PRIM2: variants seen among roughly 807,000 people sequenced by gnomAD.
PRIM2 encodes DNA primase subunit 2.
In PRIM2, 39 loss-of-function variants were observed where a neutral mutation model predicts 67.3. The observed-to-expected ratio is 0.58, with a 90% confidence interval of 0.45 to 0.76. The LOEUF (loss-of-function observed/expected upper bound fraction) is 0.76. PRIM2 is among the 30% of genes least tolerant of loss of function. PRIM2 has a pLI of 0.00. For synonymous variants in PRIM2, 143 were observed against 198.7 expected, an observed-to-expected ratio of 0.72 and a Z score of 2.36; for missense variants, 398 against 598.7, an observed-to-expected ratio of 0.66 and a Z score of 3.50.
At position 57,537,563 on chromosome 6, in the gene PRIM2, T is replaced by A; in HGVS notation, c.958T>A (p.Leu320Met). The change falls in exon 10 of 14, where the codon TTG (leucine) becomes ATG (methionine). Residue 320 changes from leucine (L) to methionine (M), a missense_variant. Coordinates refer to ENST00000615550, the MANE Select transcript of PRIM2 (RefSeq NM_000947.5). The stretch of plus-strand genomic sequence containing the variant: ...ATTTCTGAAGGGCATTGGTTTAACT[T>A]TGGAACAGGCATTGCAGTTCTGGAA... ...GLFLKGIGLT[L>M]EQALQFWKQE... The A allele has an allele frequency of 6.3e-7, 1 of 1,584,982 alleles. No homozygotes were observed. The highest frequency in any genetic ancestry group is 2.3e-5 in the East Asian group (1 of 44,380).
intron 12 of PRIM2, among the ~76,000 whole-genome samples, chr6:57,620,429 A>G (rs1776831223): frequency 6.6e-6 from 1 of 152,158 alleles, no homozygotes; most frequent in Non-Finnish European, 1.5e-5. Flanking sequence ...AAACAAAACA[A>G]ACATCAGCCA....
intron 5 of PRIM2, among the ~76,000 whole-genome samples, chr6:57,360,900 G>A (rs1031817005): frequency 6.6e-6 from 1 of 152,112 alleles, no homozygotes; most frequent in Non-Finnish European, 1.5e-5. Context: ...TCTTTACAGA[G>A]AACAATAAGA....
intron 1 of PRIM2, 147 bp from the exon 2 acceptor site, chr6:57,318,290 C>G: frequency 1.4e-6 from 1 of 698,422 alleles, no homozygotes; most frequent in East Asian, 2.7e-5. Flanking sequence ...AGGACATCAC[C>G]CAGGAATTGC....
intron 7 of PRIM2, among the ~76,000 whole-genome samples, chr6:57,403,252 T>G (rs1197919425): frequency 1.1e-5 from 1 of 89,462 alleles, no homozygotes; most frequent in Non-Finnish European, 2.2e-5. Flanking sequence ...GTGAAGAATT[T>G]TTTTTTTTTT....
At chr6:57,534,160 A>C (rs1263856308) in intron 9 of PRIM2, among the ~76,000 whole-genome samples, 3 of 152,138 alleles carry the variant, frequency 2.0e-5, no homozygotes, top group Non-Finnish European at 2.9e-5. Context: ...AGTAGAGACA[A>C]CTTTCCCCCC....
At chr6:57,450,335 C>G (rs9396300) in intron 7 of PRIM2, among the ~76,000 whole-genome samples, 1,546 of 152,284 alleles carry the variant, frequency 0.01, 28 homozygotes, top group African/African-American at 0.034. Context: ...TTGATATCCA[C>G]TGGCCAAATT....
chr6:57,521,640 G>A (rs1581967798), intron 8 of PRIM2, among the ~76,000 whole-genome samples: 2 of 152,002 alleles, frequency 1.3e-5, no homozygotes, highest in Non-Finnish European at 2.9e-5. Flanking sequence ...TTGATGCAGA[G>A]ATCAGTTTTG....
chr6:57,253,052 G>A, the PRIM2 span, among the ~76,000 whole-genome samples: 1 of 152,210 alleles, frequency 6.6e-6, no homozygotes, highest in African/African-American at 2.4e-5. Flanking sequence ...TGACTCAAGA[G>A]TGCAGAGAGC....
chr6:57,245,469 G>A, the PRIM2 span, among the ~76,000 whole-genome samples: 271 of 152,244 alleles, frequency 1.8e-3, 1 homozygote, highest in Non-Finnish European at 3.5e-3. Flanking sequence ...CTTTGTGTGA[G>A]GTTTGGTAAC....
intron 7 of PRIM2, among the ~76,000 whole-genome samples, chr6:57,440,741 C>T (rs926592422): frequency 1.4e-4 from 22 of 152,204 alleles, no homozygotes; most frequent in African/African-American, 5.1e-4. Flanking sequence ...CAAGGTTTTA[C>T]AGTAACTGTC....
chr6:57,238,996 T>A, the PRIM2 span, among the ~76,000 whole-genome samples: 3 of 152,072 alleles, frequency 2.0e-5, no homozygotes, highest in Non-Finnish European at 4.4e-5. Context: ...TTTTTTTATT[T>A]TTTTTTTATT....
intron 5 of PRIM2, among the ~76,000 whole-genome samples, chr6:57,338,949 G>C (rs1404532946): frequency 6.6e-6 from 1 of 152,196 alleles, no homozygotes; most frequent in Non-Finnish European, 1.5e-5. Flanking sequence ...TGTATATCTA[G>C]AAAACAACAT....
At chr6:57,454,081 G>C (rs1259743719) in intron 7 of PRIM2, among the ~76,000 whole-genome samples, 1 of 152,126 alleles carries the variant, frequency 6.6e-6, no homozygotes, top group African/African-American at 2.4e-5. Context: ...TTATATGTTG[G>C]ATTACGTTTA....
rs1241108203 is a variant in PRIM2 at position 57,573,483 on chromosome 6, C to T, written c.1021-27610C>T. 9.5e-4 allele frequency among the ~76,000 whole-genome samples: 144 copies of T among 151,980 alleles called. 1 individual carries two copies. Among genetic ancestry groups the T allele is most frequent in the Non-Finnish European group, 1.8e-3 (125 of 67,984 alleles). On this transcript the variant is annotated intron_variant, in intron 10 of 13. Transcript: ENST00000615550. ...ATATATTAAAGTTCTTCAGGAACAGCATTTCTTTATAAAACAGAATAGAAA... is the reference window on the plus strand; with the variant it reads ...ATATATTAAAGTTCTTCAGGAACAGTATTTCTTTATAAAACAGAATAGAAA...
chr6:57,477,733 G>A (rs1221785313), intron 7 of PRIM2, among the ~76,000 whole-genome samples: 3 of 152,192 alleles, frequency 2.0e-5, no homozygotes, highest in African/African-American at 7.2e-5. Context: ...GGAGGTTATA[G>A]TAGTGAGAGT....
At position 57,327,892 on chromosome 6, in the gene PRIM2, G is replaced by A. The variant is rs10949018; in HGVS notation, c.459+1847G>A. Among the ~76,000 whole-genome samples, 899 of 152,242 alleles carry A rather than the reference G, an allele frequency of 5.9e-3. 6 individuals are homozygous for A. Among genetic ancestry groups the A allele is most frequent in the Admixed American group, 9.9e-3 (151 of 15,292 alleles). The stretch of plus-strand genomic sequence containing the variant: ...AGGTCGGGGGATGGGGAGGGGTGTG[G>A]ATGGTTTTGGGATGAACAGATCCAC... On this transcript the variant is annotated intron_variant, in intron 5 of 13. Transcript: ENST00000615550.
chr6:57,244,516 T>C, the PRIM2 span, among the ~76,000 whole-genome samples: 1 of 152,168 alleles, frequency 6.6e-6, no homozygotes, highest in African/African-American at 2.4e-5. Flanking sequence ...ATCCTAGCAC[T>C]TTGGGAGGCC....
At chr6:57,531,839 G>C (rs1300129102) in intron 8 of PRIM2, among the ~76,000 whole-genome samples, 1 of 152,122 alleles carries the variant, frequency 6.6e-6, no homozygotes, top group Non-Finnish European at 1.5e-5. Context: ...AGAGGCTATT[G>C]AAGACTCTTT....
chr6:57,483,682 T>C (rs1398576371), intron 7 of PRIM2, among the ~76,000 whole-genome samples: 1 of 152,154 alleles, frequency 6.6e-6, no homozygotes, highest in Non-Finnish European at 1.5e-5. Context: ...AAAAGACACA[T>C]GCAGCAGGAA....
Sources: gnomAD v4.1 joint callset for allele counts (sites outside exome capture counted in the v4.1 genomes callset) on GRCh38, gnomAD v4.1.1 for gene constraint, MANE v1.5 for transcripts, NCBI Gene and HGNC (gene_info 2026-07-23, HGNC 2026-07-21) for gene names.